Variants in AAMDC observed in about 807,000 individuals in gnomAD.
The protein encoded by AAMDC is mth938 domain-containing protein.
In AAMDC, 16 loss-of-function variants were observed where a neutral mutation model predicts 15.5. That is an observed-to-expected ratio of 1.03 (90% CI 0.70 to 1.57). The LOEUF (loss-of-function observed/expected upper bound fraction) is 1.57, where lower values mean the gene tolerates loss of function less well. Among genes scored for constraint, AAMDC ranks in the 40% most tolerant of loss-of-function variants. The pLI, the probability that AAMDC is intolerant of heterozygous loss-of-function variation, is 0.00. For synonymous variants in AAMDC, 51 were observed against 51.6 expected (o/e 0.99, Z 0.05); for missense variants, 141 against 144.9 (o/e 0.97, Z 0.14).
intron 2 of AAMDC, among the ~76,000 whole-genome samples, chr11:77,854,288 G>A (rs772450892): frequency 6.6e-6 from 1 of 152,014 alleles, no homozygotes; most frequent in Non-Finnish European, 1.5e-5. Context: ...CACCGTGCCC[G>A]GCTATCCTCC....
At chr11:77,822,298 G>A (rs1448932468) in intron 1 of AAMDC, among the ~76,000 whole-genome samples, 1 of 151,620 alleles carries the variant, frequency 6.6e-6, no homozygotes, top group African/African-American at 2.4e-5. Flanking sequence ...AAAATTAGCC[G>A]GGAATCCTTG....
downstream of AAMDC, chr11:77,877,125 G>A (rs969484318): frequency 7.3e-6 from 5 of 680,730 alleles, no homozygotes; most frequent in Admixed American, 4.2e-5. Flanking sequence ...TCATGACCTC[G>A]TGGAAATAGA....
intron 5 of AAMDC, among the ~76,000 whole-genome samples, chr11:77,890,901 CT>C (rs1952233654): frequency 1.3e-5 from 2 of 152,158 alleles, no homozygotes; most frequent in South Asian, 4.1e-4. Flanking sequence ...CTAGTAATTG[CT>C]TTTTCCCAAC....
chr11:77,823,304 T>G (rs966525110), intron 1 of AAMDC, among the ~76,000 whole-genome samples: 3 of 151,946 alleles, frequency 2.0e-5, no homozygotes, highest in Non-Finnish European at 4.4e-5. Flanking sequence ...AAGTTTTAAT[T>G]TAATAAGTCG....
chr11:77,848,233 TTA>T, intron 2 of AAMDC, among the ~76,000 whole-genome samples: 1 of 152,236 alleles, frequency 6.6e-6, no homozygotes, highest in African/African-American at 2.4e-5. Context: ...GTGGTTTAAG[TTA>T]TACTGGAGCA....
chr11:77,869,882 G>C lies in AAMDC; in HGVS notation c.228+65G>C. 3 of 1,496,306 alleles carry C rather than the reference G, an allele frequency of 2.0e-6. No homozygotes were observed. In the South Asian group the frequency reaches 3.4e-5, roughly 17 times the overall value. 92.7% of individuals were successfully genotyped at this position (1,496,306 alleles called of 1,614,324 possible). A position where few individuals can be genotyped will look rare whatever the true frequency, so the allele number is the denominator to read the frequency against. On this transcript the variant is annotated intron_variant, in intron 3 of 3. Coordinates refer to ENST00000393427, the MANE Select transcript of AAMDC (RefSeq NM_024684.4). ...GGATCTCTTGGGCCTTTGTCTTACA[G>C]ACTTGTCCTTCTTGGGAGGTCATCT...
rs1159997731 is a variant in AAMDC, at chr11:77,861,791, CT to C, written c.133-7923del. ...TGAAGGCCATGACTAAAGCGGTGGCCTTTTTTTTATCCCATTTGTCCCGTTC... is the reference window on the plus strand; with the variant it reads ...TGAAGGCCATGACTAAAGCGGTGGCCTTTTTTTATCCCATTTGTCCCGTTC... On this transcript the variant is annotated intron_variant, in intron 2 of 3. Transcript: ENST00000393427. Among the ~76,000 whole-genome samples, 8 of 152,042 alleles carry C rather than the reference CT, an allele frequency of 5.3e-5. No homozygotes were observed. The East Asian group carries it at 1.4e-3, about 26-fold the overall frequency.
rs1183814688 is a variant in AAMDC, at chr11:77,868,484, G to A, written c.133-1238G>A. ...AGTGATTCTCCTGCCTCAGCCTCCC[G>A]AATAGCTGGGACTACAGGCACGCGC... On this transcript the variant is annotated intron_variant, in intron 2 of 3. Transcript: ENST00000393427. Among the ~76,000 whole-genome samples, 9 of 149,692 alleles carry A rather than the reference G, an allele frequency of 6.0e-5. No individual in the cohort carries two copies. In the East Asian group the frequency reaches 8.0e-4, roughly 13 times the overall value.
chr11:77,880,332 C>T (rs1951743121), intron 5 of AAMDC, among the ~76,000 whole-genome samples: 1 of 152,106 alleles, frequency 6.6e-6, no homozygotes. Context: ...GGATTGCTGT[C>T]CTCCAGGAAG....
intron 5 of AAMDC, chr11:77,878,952 G>A (rs1951685740): frequency 1.2e-6 from 2 of 1,613,486 alleles, no homozygotes; most frequent in Non-Finnish European, 1.7e-6. Flanking sequence ...TTTTGCCTTA[G>A]CGCCGTGCAG....
intron 1 of AAMDC, among the ~76,000 whole-genome samples, chr11:77,837,622 G>A (rs1949745114): frequency 6.6e-6 from 1 of 152,048 alleles, no homozygotes; most frequent in Non-Finnish European, 1.5e-5. Flanking sequence ...TTTTAGTAGA[G>A]ACAGGGTTTC....
intron 3 of AAMDC, among the ~76,000 whole-genome samples, chr11:77,871,901 G>C (rs945049996): frequency 1.3e-5 from 2 of 152,216 alleles, no homozygotes; most frequent in African/African-American, 4.8e-5. Context: ...TACAGTGCTA[G>C]TAAGGATGTA....
chr11:77,849,561 T>C (rs1323791907), intron 2 of AAMDC, among the ~76,000 whole-genome samples: 2 of 152,150 alleles, frequency 1.3e-5, no homozygotes, highest in African/African-American at 4.8e-5. Flanking sequence ...GGTCTCACTC[T>C]GTTGCTTAGG....
chr11:77,886,525 G>A (rs376156046), intron 5 of AAMDC, among the ~76,000 whole-genome samples: 63 of 152,298 alleles, frequency 4.1e-4, no homozygotes, highest in African/African-American at 1.5e-3. Context: ...GGTAAACGGC[G>A]GGAGTAACTA....
At chr11:77,834,441 G>GTTTTTTTTT (rs11438814) in intron 1 of AAMDC, among the ~76,000 whole-genome samples, 17 of 105,516 alleles carry the variant, frequency 1.6e-4, no homozygotes, top group East Asian at 2.9e-4. Context: ...AGTTGATTTT[G>GTTTTTTTTT]TTTTTTTTTT....
intron 2 of AAMDC, among the ~76,000 whole-genome samples, chr11:77,854,182 C>T (rs1026294816): frequency 1.9e-4 from 29 of 151,792 alleles, no homozygotes; most frequent in African/African-American, 4.4e-4. Context: ...GTAGTAGAGA[C>T]GGGGTTTCAT....
At chr11:77,864,666 G>A (rs138657688) in intron 2 of AAMDC, among the ~76,000 whole-genome samples, 342 of 152,172 alleles carry the variant, frequency 2.2e-3, no homozygotes, top group African/African-American at 7.4e-3. Flanking sequence ...TACAATCCAG[G>A]GCATATGTTC....
chr11:77,848,448 C>T (rs1460141436), intron 2 of AAMDC, among the ~76,000 whole-genome samples: 1 of 151,664 alleles, frequency 6.6e-6, no homozygotes, highest in African/African-American at 2.4e-5. Context: ...ACCTCTGCCT[C>T]CCAGGTTCAA....
downstream of AAMDC, among the ~76,000 whole-genome samples, chr11:77,902,829 A>G (rs1219451024): frequency 1.3e-5 from 2 of 152,338 alleles, no homozygotes; most frequent in African/African-American, 4.8e-5. Context: ...AGAGACAAAT[A>G]AAATTAAAGC....
Sources: gnomAD v4.1 joint callset for allele counts (sites outside exome capture counted in the v4.1 genomes callset) on GRCh38, gnomAD v4.1.1 for gene constraint, MANE v1.5 for transcripts, NCBI Gene and HGNC (gene_info 2026-07-23, HGNC 2026-07-21) for gene names.